S100Z: variants seen among roughly 807,000 people sequenced by gnomAD.
S100Z encodes the protein S100 calcium binding protein Z.
Under a neutral mutation model 8.5 loss-of-function variants are expected in S100Z, and 11 were observed. That is an observed-to-expected ratio of 1.30 (90% CI 0.82 to 2.15). S100Z has a LOEUF of 2.15. S100Z is among the 30% of genes most tolerant of loss of function. The pLI is 0.00. For synonymous variants in S100Z, 34 were observed against 43.8 expected (o/e 0.78, Z 0.89); for missense variants, 126 against 117.9 (o/e 1.07, Z -0.32).
At chr5:76,856,667 A>G (rs1750890482) in intron 1 of S100Z, among the ~76,000 whole-genome samples, 1 of 152,262 alleles carries the variant, frequency 6.6e-6, no homozygotes, top group African/African-American at 2.4e-5. Flanking sequence ...TTTTCGGAAG[A>G]GTTTAAGTAT....
the S100Z span, among the ~76,000 whole-genome samples, chr5:76,937,281 A>G: frequency 2.0e-5 from 3 of 151,968 alleles, no homozygotes; most frequent in South Asian, 6.2e-4. Flanking sequence ...CTCTTGCCCT[A>G]TGTAATGAGG....
chr5:76,882,392 G>T (rs1050456954), intron 4 of S100Z, among the ~76,000 whole-genome samples: 12 of 152,198 alleles, frequency 7.9e-5, no homozygotes, highest in African/African-American at 2.4e-5. Context: ...AATGAAAAAG[G>T]ATTGGGATGA....
chr5:76,925,013 G>A (rs1745112727), downstream of S100Z, among the ~76,000 whole-genome samples: 1 of 152,096 alleles, frequency 6.6e-6, no homozygotes, highest in Admixed American at 6.5e-5. Context: ...CTCTTACAAG[G>A]TTGCTGTTGG....
chr5:76,864,386 ATTTTTTTTTTTTTTTTTT>A (rs56206322), intron 1 of S100Z, among the ~76,000 whole-genome samples: 9 of 72,174 alleles, frequency 1.2e-4, no homozygotes, highest in Non-Finnish European at 2.0e-4. Flanking sequence ...TGCATACTAT[ATTTTTTTTTTTTTTTTTT>A]TTTTTTTTTT....
At chr5:76,881,915 G>A (rs906628264) in intron 4 of S100Z, among the ~76,000 whole-genome samples, 18 of 152,144 alleles carry the variant, frequency 1.2e-4, no homozygotes, top group African/African-American at 3.6e-4. Context: ...GAAGTAAAGC[G>A]GCCTTGAGAA....
At chr5:76,915,140 C>G (rs772460506) in intron 4 of S100Z, among the ~76,000 whole-genome samples, 2 of 151,692 alleles carry the variant, frequency 1.3e-5, no homozygotes, top group Non-Finnish European at 2.9e-5. Context: ...CCCGTCTCTA[C>G]TGAAAATACA....
intron 2 of S100Z, among the ~76,000 whole-genome samples, chr5:76,870,810 A>C (rs1436574488): frequency 6.6e-5 from 10 of 152,038 alleles, no homozygotes; most frequent in Admixed American, 1.3e-4. Context: ...AGAGCTGGAG[A>C]GGGGAAAGTG....
intron 4 of S100Z, among the ~76,000 whole-genome samples, chr5:76,902,059 C>T (rs550424715): frequency 2.0e-5 from 3 of 152,214 alleles, no homozygotes; most frequent in East Asian, 1.9e-4. Context: ...TGCCCTGTCT[C>T]GCTGTGGCTG....
At chr5:76,917,820 C>CAA (rs10665272) in intron 4 of S100Z, among the ~76,000 whole-genome samples, 76,790 of 130,198 alleles carry the variant, frequency 0.59, 22,089 homozygotes, top group African/African-American at 0.63. Flanking sequence ...AAGACTGTCT[C>CAA]AAAAAAAAAA....
chr5:76,950,730 C>T, the S100Z span, among the ~76,000 whole-genome samples: 1 of 151,900 alleles, frequency 6.6e-6, no homozygotes. Flanking sequence ...TTTCCCAGAA[C>T]ATATTTAAAA....
the S100Z span, among the ~76,000 whole-genome samples, chr5:76,936,972 C>A: frequency 2.6e-5 from 4 of 152,120 alleles, no homozygotes; most frequent in Non-Finnish European, 4.4e-5. Context: ...GAAGCTTATT[C>A]TCTGTATTAT....
At chr5:76,929,451 A>T in the S100Z span, among the ~76,000 whole-genome samples, 2 of 152,228 alleles carry the variant, frequency 1.3e-5, no homozygotes, top group Non-Finnish European at 2.9e-5. Context: ...GTCCTGATAC[A>T]TGCAGTAAAA....
chr5:76,856,933 A>G (rs1750897190), intron 1 of S100Z, among the ~76,000 whole-genome samples: 1 of 152,242 alleles, frequency 6.6e-6, no homozygotes, highest in Non-Finnish European at 1.5e-5. Context: ...TTCTTAAAAG[A>G]TAAGGCTGTG....
In S100Z at chr5:76,877,821, A is replaced by G; in HGVS notation, c.289A>G (p.Lys97Glu). ...TTACTTTGTAGAACAATTGAAGAAG[A>G]AAGGAAAATAAAGGTAAGTAATAAG... ...NDYFVEQLKK[K>E]GK is the part of the protein sequence containing the mutation. The change falls in exon 4 of 5, where the codon AAA (lysine) becomes GAA (glutamate). Residue 97 changes from lysine to glutamate, a missense_variant. Transcript: ENST00000317593. The G allele has an allele frequency of 6.2e-7, 1 of 1,610,894 alleles. No homozygotes were observed. Among genetic ancestry groups the G allele is most frequent in the Non-Finnish European group, 8.5e-7 (1 of 1,177,132 alleles).
At chr5:76,898,935 T>TTC (rs1554038882) in intron 4 of S100Z, among the ~76,000 whole-genome samples, 8 of 139,338 alleles carry the variant, frequency 5.7e-5, no homozygotes, top group East Asian at 5.0e-4. Context: ...TTTCTTTTCT[T>TTC]TTTTTTTTTT....
At chr5:76,911,450 C>A (rs1054555931) in intron 4 of S100Z, among the ~76,000 whole-genome samples, 3 of 152,162 alleles carry the variant, frequency 2.0e-5, no homozygotes, top group East Asian at 1.9e-4. Context: ...CTTCTGTATT[C>A]CCCTGCACTC....
chr5:76,947,525 T>C, the S100Z span, among the ~76,000 whole-genome samples: 1 of 152,186 alleles, frequency 6.6e-6, no homozygotes, highest in African/African-American at 2.4e-5. Context: ...AATTATAAAA[T>C]TCGTATGAAA....
chr5:76,915,460 T>C (rs943242219), intron 4 of S100Z, among the ~76,000 whole-genome samples: 3 of 151,016 alleles, frequency 2.0e-5, no homozygotes, highest in African/African-American at 7.3e-5. Context: ...CAAAAAAAAT[T>C]AGCCAGGCAT....
the S100Z span, among the ~76,000 whole-genome samples, chr5:76,927,596 C>T: frequency 1.3e-5 from 2 of 152,216 alleles, no homozygotes; most frequent in East Asian, 1.9e-4. Flanking sequence ...AAGACCCTTC[C>T]AATAGTGGCT....
Sources: gnomAD v4.1 joint callset for allele counts (sites outside exome capture counted in the v4.1 genomes callset) on GRCh38, gnomAD v4.1.1 for gene constraint, MANE v1.5 for transcripts, NCBI Gene and HGNC (gene_info 2026-07-23, HGNC 2026-07-21) for gene names.